The following HPS5 variants were observed in gnomAD, a reference collection of about 807,000 sequenced individuals.
The protein encoded by HPS5 is HPS5 biogenesis of lysosomal organelles complex 2 subunit 2.
In HPS5, 83 loss-of-function variants were observed where a neutral mutation model predicts 128.0. The observed-to-expected ratio is 0.65, with a 90% CI of 0.54 to 0.78. The LOEUF (loss-of-function observed/expected upper bound fraction) is 0.78, where lower values mean the gene tolerates loss of function less well. Ranked by LOEUF, HPS5 falls within the 30% of genes least tolerant of loss-of-function variation. The pLI is 0.00. For missense variants in HPS5, 1,281 were observed against 1,326.2 expected (o/e 0.97, Z 0.53); for synonymous variants, 475 against 470.2 (o/e 1.01, Z -0.13).
intron 7 of HPS5, 97 bp from the exon 8 acceptor site, chr11:18,305,590 A>C: frequency 1.2e-6 from 1 of 833,158 alleles, no homozygotes; most frequent in Non-Finnish European, 2.0e-6. Flanking sequence ...CCTCCAAAAC[A>C]AATTCAAGAG....
chr11:18,296,458 C>T, intron 12 of HPS5: 1 of 560,782 alleles, frequency 1.8e-6, no homozygotes, highest in South Asian at 2.2e-5. Context: ...CCAAAAACTG[C>T]AGTAATTTTT....
intron 14 of HPS5, among the ~76,000 whole-genome samples, chr11:18,293,256 C>T (rs1273295024): frequency 6.6e-6 from 1 of 152,150 alleles, no homozygotes; most frequent in Non-Finnish European, 1.5e-5. Context: ...GCAAGCTCCA[C>T]CTCCCAGGTT....
chr11:18,301,174 A>G (rs1861656250), intron 8 of HPS5, among the ~76,000 whole-genome samples: 1 of 152,134 alleles, frequency 6.6e-6, no homozygotes, highest in South Asian at 2.1e-4. Context: ...GAAAAGGGTC[A>G]GCTGGGTGCA....
intron 21 of HPS5, 131 bp downstream of exon 21, chr11:18,283,664 A>T: frequency 1.4e-6 from 1 of 711,198 alleles, no homozygotes; most frequent in Non-Finnish European, 2.5e-6. Context: ...AAACTCCACA[A>T]ATGTGACAAC....
At chr11:18,285,068 A>G (rs1859526247) in intron 20 of HPS5, among the ~76,000 whole-genome samples, 1 of 152,066 alleles carries the variant, frequency 6.6e-6, no homozygotes, top group Non-Finnish European at 1.5e-5. Flanking sequence ...GCTTAATTAA[A>G]TACTATCTAC....
intron 12 of HPS5, 43 bp from the exon 13 acceptor site, chr11:18,296,165 C>T (rs1370492667): frequency 4.4e-6 from 7 of 1,598,588 alleles, no homozygotes; most frequent in South Asian, 1.1e-5. Flanking sequence ...AATCTAATCA[C>T]GTGGGAGTTG....
Position 18,317,718 on chromosome 11 carries a change from A to C in HPS5, c.108+33T>G, listed in dbSNP as rs1166667372. The C allele has an allele frequency of 3.1e-6, 5 of 1,606,736 alleles. No homozygotes were observed. The South Asian group carries it at 5.6e-5, about 18-fold the overall frequency. On this transcript the variant is annotated intron_variant, in intron 2 of 22. Transcript: ENST00000349215. ...GGGCACAGTAACAGAGAGCACGTGA[A>C]AATGAAACTGATACAAGGATCAAGA...
chr11:18,293,252 T>G (rs1485073053), intron 14 of HPS5, among the ~76,000 whole-genome samples: 3 of 152,086 alleles, frequency 2.0e-5, no homozygotes, highest in Non-Finnish European at 4.4e-5. Context: ...CACTGCAAGC[T>G]CCACCTCCCA....
At position 18,283,803 on chromosome 11, in the gene HPS5, C is replaced by G; in HGVS notation, c.3050G>C (p.Gly1017Ala). The stretch of plus-strand genomic sequence containing the variant: ...AGTTAGGATTGACATACCATTGTCC[C>G]CTTCCATCAGGCTCATATCATTCAG... ...VYLNDMSLME[G>A]DNGWIPETVE... The change falls in exon 21 of 23, where the codon GGG (glycine) becomes GCG (alanine). Residue 1017 changes from glycine (G) to alanine (A), a missense_variant. Transcript: ENST00000349215. 1 of 1,604,740 alleles carries G rather than the reference C, an allele frequency of 6.2e-7. No individual in the cohort carries two copies. The highest frequency in any genetic ancestry group is 8.5e-7 in the Non-Finnish European group (1 of 1,171,912).
chr11:18,287,439 G>A (rs1859877691), intron 18 of HPS5, 96 bp downstream of exon 18: 2 of 1,357,820 alleles, frequency 1.5e-6, no homozygotes, highest in South Asian at 2.4e-5. Context: ...TCAACCCCTT[G>A]GTAATTAACA....
At position 18,297,708 on chromosome 11, in the gene HPS5, T is replaced by A. The variant is rs753465573; in HGVS notation, c.1174A>T (p.Thr392Ser). ...TGCTCCAATTTATCTGCAGTCAAAG[T>A]TTTTCTTGCCTAATAAAACAACAGC... ...NSVIASRARK[T>S]LTADKLEHLK... Residue 392 changes from threonine (T) to serine (S), a missense_variant, in exon 11 of 23, where the codon ACT (threonine) becomes TCT (serine). By Grantham distance (58) the Thr-to-Ser change is moderately conservative (BLOSUM62 1). Coordinates refer to ENST00000349215, the MANE Select transcript of HPS5 (RefSeq NM_181507.2). 49 of 1,613,850 alleles carry A rather than the reference T, an allele frequency of 3.0e-5. No individual in the cohort carries two copies. Among genetic ancestry groups the A allele is most frequent in the Non-Finnish European group, 3.8e-5 (45 of 1,179,920 alleles).
chr11:18,301,525 T>C (rs1861713856), intron 8 of HPS5, among the ~76,000 whole-genome samples: 1 of 150,294 alleles, frequency 6.7e-6, no homozygotes, highest in Non-Finnish European at 1.5e-5. Flanking sequence ...CTTAGGGACC[T>C]TTACCTGATG....
chr11:18,287,720 C>T, intron 17 of HPS5, 30 bp from the exon 18 acceptor site: 1 of 1,609,978 alleles, frequency 6.2e-7, no homozygotes, highest in Non-Finnish European at 8.5e-7. Flanking sequence ...ACTTTAGTCT[C>T]TAATTTCAGT....
chr11:18,286,566 C>G, intron 19 of HPS5, 25 bp downstream of exon 19: 1 of 1,607,786 alleles, frequency 6.2e-7, no homozygotes, highest in Non-Finnish European at 8.5e-7. Flanking sequence ...AAGAAAAAAA[C>G]AAAGAAAGAG....
Position 18,306,106 on chromosome 11 carries a change from C to T in HPS5, c.824+29G>A, listed in dbSNP as rs184110642. 13 of 1,465,400 alleles carry T rather than the reference C, an allele frequency of 8.9e-6. No individual in the cohort carries two copies. The Admixed American group carries it at 1.8e-4, about 21-fold the overall frequency. 90.8% of individuals were successfully genotyped at this position (1,465,400 alleles called of 1,614,324 possible). A position where few individuals can be genotyped will look rare whatever the true frequency, so the allele number is the denominator to read the frequency against. ...AACCTCTATATAGAAGCTCTTCAAA[C>T]AATCCCAACCAGCCATACAAATCGT... On this transcript the variant is annotated intron_variant, in intron 7 of 22. Transcript: ENST00000349215.
At chr11:18,295,411 G>C (rs775272876) in intron 13 of HPS5, among the ~76,000 whole-genome samples, 1 of 152,142 alleles carries the variant, frequency 6.6e-6, no homozygotes, top group Non-Finnish European at 1.5e-5. Context: ...CTAAAGAAAA[G>C]GTCTTTAACT....
At position 18,279,825 on chromosome 11, in the gene HPS5, A is replaced by G; in HGVS notation, c.*57T>C. The G allele has an allele frequency of 6.6e-7, 1 of 1,514,904 alleles. No homozygotes were observed. The highest frequency in any genetic ancestry group is 1.1e-5 in the South Asian group (1 of 88,888). The allele number at this position is 1,514,904 out of a possible 1,614,324, so 93.8% of individuals were successfully genotyped here. On this transcript the variant is annotated 3_prime_UTR_variant, in exon 23 of 23. Coordinates refer to ENST00000349215, the MANE Select transcript of HPS5 (RefSeq NM_181507.2). ...AATAACAAATGCGTTCAGAAGGTTC[A>G]GGAGCATGATTTAGTTTTTCTCAAA...
At chr11:18,311,820 A>G (rs1863057416) in intron 3 of HPS5, 94 bp downstream of exon 3, 2 of 990,250 alleles carry the variant, frequency 2.0e-6, no homozygotes, top group Admixed American at 1.7e-5. Context: ...CAAGTTCTAC[A>G]TTCTTTTATT....
In HPS5 at chr11:18,305,162, G is replaced by C. The variant is rs1869787; in HGVS notation, c.896+260C>G. On this transcript the variant is annotated intron_variant, in intron 8 of 22. Transcript: ENST00000349215. ...GGTAGGAGAGGTTATGAGGCGGTTAGTAGAGCTATCTTAGCTCCAATTGTT... is the reference window on the plus strand; with the variant it reads ...GGTAGGAGAGGTTATGAGGCGGTTACTAGAGCTATCTTAGCTCCAATTGTT... Among the ~76,000 whole-genome samples the C allele has an allele frequency of 0.14, 21,165 of 152,104 alleles. 1,561 individuals are homozygous for C. The highest frequency in any genetic ancestry group is 0.19 in the African/African-American group (7,869 of 41,464).
Sources: allele counts gnomAD v4.1 joint callset (sites outside exome capture counted in the v4.1 genomes callset), GRCh38; gene constraint gnomAD v4.1.1; transcripts MANE v1.5; gene names NCBI Gene and HGNC (gene_info 2026-07-23, HGNC 2026-07-21).